TTLL7: variants seen among roughly 807,000 people sequenced by gnomAD.
The protein encoded by TTLL7 is tubulin tyrosine ligase like 7.
TTLL7 carries 53 observed loss-of-function variants against 120.2 expected under a neutral mutation model. The observed-to-expected ratio is 0.44, with a 90% CI of 0.35 to 0.55. The LOEUF is 0.55. Ranked by LOEUF, TTLL7 falls within the 20% of genes least tolerant of loss-of-function variation. The pLI, the probability that TTLL7 is intolerant of heterozygous loss-of-function variation, is 0.00. For missense variants in TTLL7, 803 were observed against 1,054.7 expected (o/e 0.76, Z 3.31); for synonymous variants, 353 against 351.7 (o/e 1.00, Z -0.04).
At chr1:83,898,642 AT>A (rs547998162) in intron 18 of TTLL7, among the ~76,000 whole-genome samples, 335 of 152,104 alleles carry the variant, frequency 2.2e-3, no homozygotes, top group African/African-American at 7.6e-3. Flanking sequence ...GCAAAAAAAA[AT>A]AATTCAGTCA....
chr1:83,975,102 A>T (rs1160749211), intron 1 of TTLL7, among the ~76,000 whole-genome samples: 1 of 152,136 alleles, frequency 6.6e-6, no homozygotes, highest in Non-Finnish European at 1.5e-5. Flanking sequence ...TAAAAATGCT[A>T]GCTATACATT....
chr1:83,949,795 A>C, intron 4 of TTLL7, 70 bp downstream of exon 4: 5 of 1,550,688 alleles, frequency 3.2e-6, no homozygotes, highest in Non-Finnish European at 4.4e-6. Flanking sequence ...TTAAGAACCT[A>C]TCTAAAAAAG....
chr1:83,941,976 T>C (rs940309258), intron 7 of TTLL7, among the ~76,000 whole-genome samples: 7 of 152,166 alleles, frequency 4.6e-5, no homozygotes, highest in African/African-American at 1.4e-4. Context: ...TACTTTCTGA[T>C]AACTTTTGCT....
Position 83,869,808 on chromosome 1 carries a change from G to T in TTLL7, c.*154C>A. The T allele has an allele frequency of 5.5e-6, 3 of 540,974 alleles. No homozygotes were observed. The highest frequency in any genetic ancestry group is 8.8e-6 in the Non-Finnish European group (3 of 341,788). The allele number at this position is 540,974 out of a possible 1,614,324, so 33.5% of individuals were successfully genotyped here. On this transcript the variant is annotated 3_prime_UTR_variant, in exon 21 of 21. Transcript: ENST00000260505. ...ATATCATTTAATATAATAAATATAT[G>T]TTATTAGGGTGCATATGTGCATATA...
At chr1:83,967,299 C>T (rs1650553900) in intron 1 of TTLL7, among the ~76,000 whole-genome samples, 1 of 146,050 alleles carries the variant, frequency 6.8e-6, no homozygotes, top group Admixed American at 7.1e-5. Flanking sequence ...CAACAACCAC[C>T]TTTTGCCAAC....
In TTLL7 at chr1:83,937,909, A is replaced by T; in HGVS notation, c.831T>A (p.Phe277Leu). The change falls in exon 8 of 21, where the codon TTT (phenylalanine) becomes TTA (leucine). Residue 277 changes from phenylalanine to leucine, a missense_variant. Coordinates refer to ENST00000260505, the MANE Select transcript of TTLL7 (RefSeq NM_024686.6). Reference sequence around the variant, plus strand: ...GTTGATTTGCTTGAAGGAATTCTGTAAACCATTTGATGGAACGTTTGCTGC... The same window carrying T: ...GTTGATTTGCTTGAAGGAATTCTGTTAACCATTTGATGGAACGTTTGCTGC... ...NKGSKRSIKW[F>L]TEFLQANQHD... The T allele has an allele frequency of 6.2e-7, 1 of 1,614,058 alleles. No individual in the cohort carries two copies. Among genetic ancestry groups the T allele is most frequent in the Non-Finnish European group, 8.5e-7 (1 of 1,179,974 alleles).
chr1:83,917,569 C>T lies in TTLL7; in HGVS notation c.1587+35G>A, dbSNP rs772839860. ...AAGTATCAAGGGCTAGTAGCATCTA[C>T]TTTGATAAGTAAGGAAGGTAGAGAT... On this transcript the variant is annotated intron_variant, in intron 14 of 20. Coordinates refer to ENST00000260505, the MANE Select transcript of TTLL7 (RefSeq NM_024686.6). 7.5e-6 allele frequency: 11 copies of T among 1,471,252 alleles called. No individual in the cohort carries two copies. In the South Asian group the frequency reaches 1.1e-4, roughly 15 times the overall value. 91.1% of individuals were successfully genotyped at this position (1,471,252 alleles called of 1,614,324 possible).
chr1:83,961,566 C>G (rs558454089), intron 1 of TTLL7, among the ~76,000 whole-genome samples: 3 of 151,674 alleles, frequency 2.0e-5, no homozygotes, highest in African/African-American at 7.3e-5. Flanking sequence ...TTTCCAGTAC[C>G]GAGGATAATG....
intron 18 of TTLL7, among the ~76,000 whole-genome samples, chr1:83,898,246 A>C (rs1656417488): frequency 6.6e-6 from 1 of 152,040 alleles, no homozygotes; most frequent in Non-Finnish European, 1.5e-5. Context: ...AATACCCCAT[A>C]TGAAGAATTC....
At position 83,891,464 on chromosome 1, in the gene TTLL7, G is replaced by A. The variant is rs1655454982; in HGVS notation, c.2209-983C>T. On this transcript the variant is annotated intron_variant, in intron 18 of 20. Coordinates refer to ENST00000260505, the MANE Select transcript of TTLL7 (RefSeq NM_024686.6). Reference sequence around the variant, plus strand: ...TACTGGGTCTCTTAAGACATTGCTAGTGTGAGTACAGATCGGTGCACAAAC... The same window carrying A: ...TACTGGGTCTCTTAAGACATTGCTAATGTGAGTACAGATCGGTGCACAAAC... Among the ~76,000 whole-genome samples the A allele has an allele frequency of 2.0e-5, 3 of 152,108 alleles. No individual in the cohort carries two copies. In the South Asian group the frequency reaches 6.2e-4, roughly 32 times the overall value.
chr1:83,936,029 C>T (rs913474927), intron 8 of TTLL7, among the ~76,000 whole-genome samples: 1 of 152,114 alleles, frequency 6.6e-6, no homozygotes, highest in Admixed American at 6.5e-5. Context: ...GCAAAATTTA[C>T]CCACCTATAG....
chr1:83,870,167 A>C lies in TTLL7; in HGVS notation c.2544-85T>G, dbSNP rs564411566. On this transcript the variant is annotated intron_variant, in intron 20 of 20. Coordinates refer to ENST00000260505, the MANE Select transcript of TTLL7 (RefSeq NM_024686.6). ...GGGTTATGTGGTTAGCAATTTACGT[A>C]GTCTATATGAGAAATGTTACTGTAA... 28 of 1,242,910 alleles carry C rather than the reference A, an allele frequency of 2.3e-5. No homozygotes were observed. In the South Asian group the frequency reaches 4.9e-4, roughly 22 times the overall value. The allele number at this position is 1,242,910 out of a possible 1,614,324, so 77.0% of individuals were successfully genotyped here. A position where few individuals can be genotyped will look rare whatever the true frequency, so the allele number is the denominator to read the frequency against.
chr1:83,938,251 T>G (rs1255658661), intron 7 of TTLL7, among the ~76,000 whole-genome samples: 2 of 152,168 alleles, frequency 1.3e-5, no homozygotes, highest in African/African-American at 4.8e-5. Flanking sequence ...TCGAAATATA[T>G]CTACCATTAA....
chr1:83,988,658 A>C (rs934658409), intron 1 of TTLL7, among the ~76,000 whole-genome samples: 1 of 150,448 alleles, frequency 6.6e-6, no homozygotes, highest in African/African-American at 2.4e-5. Context: ...ACTTTGTCAT[A>C]TTTGTTAGCC....
chr1:83,919,617 T>C (rs1658476924), intron 13 of TTLL7, 82 bp downstream of exon 13: 1 of 1,271,770 alleles, frequency 7.9e-7, no homozygotes, highest in Non-Finnish European at 1.1e-6. Flanking sequence ...TGTTTTTATA[T>C]GTCGGACCAA....
intron 3 of TTLL7, among the ~76,000 whole-genome samples, chr1:83,951,147 A>C (rs1649003304): frequency 1.3e-5 from 2 of 152,308 alleles, no homozygotes; most frequent in South Asian, 4.1e-4. Context: ...CAGGAGATAG[A>C]GACCATCCTG....
intron 1 of TTLL7, among the ~76,000 whole-genome samples, chr1:83,988,483 C>G (rs1652686280): frequency 6.6e-6 from 1 of 152,208 alleles, no homozygotes; most frequent in Admixed American, 6.5e-5. Flanking sequence ...AGTGACTGAA[C>G]TAATTTACAT....
At chr1:83,911,486 C>A in intron 14 of TTLL7, 123 bp from the exon 15 acceptor site, 1 of 746,652 alleles carries the variant, frequency 1.3e-6, no homozygotes, top group South Asian at 1.9e-5. Flanking sequence ...GAGAATCCCC[C>A]CAAATACTAT....
chr1:83,904,185 A>C (rs2100757400), intron 17 of TTLL7, 26 bp from the exon 18 acceptor site: 2 of 1,578,910 alleles, frequency 1.3e-6, no homozygotes, highest in East Asian at 2.3e-5. Context: ...AACATTAAGA[A>C]ATTTACAGGT....
Sources: allele counts gnomAD v4.1 joint callset (sites outside exome capture counted in the v4.1 genomes callset), GRCh38; gene constraint gnomAD v4.1.1; transcripts MANE v1.5; gene names NCBI Gene and HGNC (gene_info 2026-07-23, HGNC 2026-07-21).